The following MAD1L1 variants were observed in gnomAD, a reference collection of about 807,000 sequenced individuals.
MAD1L1 encodes the protein mitotic spindle assembly checkpoint protein MAD1.
MAD1L1 carries 95 observed loss-of-function variants against 96.9 expected under a neutral mutation model. The observed-to-expected ratio is 0.98, with a 90% CI of 0.83 to 1.16. MAD1L1 has a LOEUF of 1.16. Among genes scored for constraint, MAD1L1 ranks in the 50% most tolerant of loss-of-function variants. MAD1L1 has a pLI of 0.00. For synonymous variants in MAD1L1, 473 were observed against 396.6 expected (o/e 1.19, Z -2.29); for missense variants, 1,007 against 954.4 (o/e 1.06, Z -0.73).
rs369746286 is a variant in MAD1L1 at position 1,905,483 on chromosome 7, G to A, written c.1808-7093C>T. Among the ~76,000 whole-genome samples, 295 of 149,650 alleles carry A rather than the reference G, an allele frequency of 2.0e-3. 5 individuals are homozygous for A. Among genetic ancestry groups the A allele is most frequent in the African/African-American group, 6.2e-3 (253 of 40,630 alleles). On this transcript the variant is annotated intron_variant, in intron 17 of 18. Transcript: ENST00000265854. Reference sequence around the variant, plus strand: ...AGTGGCCTATGGAAGACGCTCTTGCGGAACTCATGATTGATGAAGCACTGT... The same window carrying A: ...AGTGGCCTATGGAAGACGCTCTTGCAGAACTCATGATTGATGAAGCACTGT...
intron 10 of MAD1L1, among the ~76,000 whole-genome samples, chr7:2,158,330 G>A (rs899057618): frequency 3.9e-5 from 6 of 152,196 alleles, no homozygotes; most frequent in Non-Finnish European, 5.9e-5. Context: ...CAGTTTCACC[G>A]AGTCTGAAAA....
At chr7:2,069,599 T>C (rs1445942953) in intron 11 of MAD1L1, among the ~76,000 whole-genome samples, 5 of 152,022 alleles carry the variant, frequency 3.3e-5, no homozygotes, top group Non-Finnish European at 5.9e-5. Flanking sequence ...ATGGGAAAAA[T>C]TGTCGGCGAC....
chr7:1,998,822 G>T (rs1781669755), intron 14 of MAD1L1, among the ~76,000 whole-genome samples: 1 of 142,046 alleles, frequency 7.0e-6, no homozygotes, highest in African/African-American at 2.6e-5. Flanking sequence ...AGACCCCACA[G>T]TCCACAGACC....
chr7:2,025,682 G>A (rs193111201), intron 12 of MAD1L1, among the ~76,000 whole-genome samples: 5 of 152,300 alleles, frequency 3.3e-5, no homozygotes, highest in East Asian at 1.9e-4. Flanking sequence ...TTTCAAACAC[G>A]TAAGTGTATG....
intron 10 of MAD1L1, among the ~76,000 whole-genome samples, chr7:2,167,805 G>C (rs925876215): frequency 6.6e-6 from 1 of 152,010 alleles, no homozygotes; most frequent in Non-Finnish European, 1.5e-5. Flanking sequence ...GGAGGCCAAG[G>C]CAGGAGGATC....
At chr7:2,073,924 C>T (rs1333947336) in intron 11 of MAD1L1, among the ~76,000 whole-genome samples, 6 of 152,332 alleles carry the variant, frequency 3.9e-5, no homozygotes, top group East Asian at 1.9e-4. Flanking sequence ...CTCGGGCCCG[C>T]GTCATCAGGG....
At chr7:1,851,670 A>C (rs892008188) in intron 18 of MAD1L1, among the ~76,000 whole-genome samples, 1 of 152,180 alleles carries the variant, frequency 6.6e-6, no homozygotes, top group Non-Finnish European at 1.5e-5. Flanking sequence ...AGACGGCAGG[A>C]GGTCCACACA....
chr7:2,054,164 C>G (rs1784298254), intron 12 of MAD1L1, among the ~76,000 whole-genome samples: 1 of 152,260 alleles, frequency 6.6e-6, no homozygotes, highest in Non-Finnish European at 1.5e-5. Context: ...CACAGCCTCA[C>G]CTGGAACTGT....
chr7:2,044,529 AGAT>A (rs1783834122), intron 12 of MAD1L1, among the ~76,000 whole-genome samples: 3 of 152,150 alleles, frequency 2.0e-5, no homozygotes, highest in Admixed American at 2.0e-4. Context: ...AGCATGTGTG[AGAT>A]GATAACACAA....
chr7:1,815,964 T>A lies in MAD1L1; in HGVS notation c.*106A>T. 5 of 1,301,964 alleles carry A rather than the reference T, an allele frequency of 3.8e-6. No homozygotes were observed. The highest frequency in any genetic ancestry group is 5.2e-6 in the Non-Finnish European group (5 of 964,224). 80.7% of individuals were successfully genotyped at this position (1,301,964 alleles called of 1,614,324 possible). The stretch of plus-strand genomic sequence containing the variant: ...GTCTGTCAGTCATGCTGCTGCCCTG[T>A]GGGGCTGGAGAGGCAGGACGTGCAC... On this transcript the variant is annotated 3_prime_UTR_variant, in exon 19 of 19. Coordinates refer to ENST00000265854, the MANE Select transcript of MAD1L1 (RefSeq NM_001013836.2).
chr7:1,970,336 T>A lies in MAD1L1; in HGVS notation c.1505+10117A>T, dbSNP rs557044658. The stretch of plus-strand genomic sequence containing the variant: ...CTATATAATTTTAATTTTTACTTTT[T>A]TTTTTTTTTTTTTTTTTGAGACAGT... On this transcript the variant is annotated intron_variant, in intron 15 of 18. Coordinates refer to ENST00000265854, the MANE Select transcript of MAD1L1 (RefSeq NM_001013836.2). 8.5e-3 allele frequency among the ~76,000 whole-genome samples: 1,241 copies of A among 145,406 alleles called. 11 individuals are homozygous for A. The highest frequency in any genetic ancestry group is 0.015 in the Non-Finnish European group (971 of 65,876).
chr7:1,875,207 G>A (rs189448954), intron 18 of MAD1L1, among the ~76,000 whole-genome samples: 1 of 152,234 alleles, frequency 6.6e-6, no homozygotes, highest in Admixed American at 6.5e-5. Context: ...GTTCCCAGGG[G>A]CCCTGCTGCT....
intron 13 of MAD1L1, among the ~76,000 whole-genome samples, chr7:2,007,564 C>T (rs1311579959): frequency 6.6e-6 from 1 of 152,202 alleles, no homozygotes; most frequent in Non-Finnish European, 1.5e-5. Context: ...GTCCCAGCTA[C>T]TCAGGATACC....
chr7:1,899,786 A>T (rs1787128588), intron 17 of MAD1L1, among the ~76,000 whole-genome samples: 1 of 152,182 alleles, frequency 6.6e-6, no homozygotes, highest in Non-Finnish European at 1.5e-5. Flanking sequence ...AGCGGCCCGA[A>T]GAGGCTCTGA....
rs550455174 is a variant in MAD1L1 at position 1,870,279 on chromosome 7, C to G, written c.1998+27921G>C. ...CGCTGAACCCAACATATGCCTGCCACGCTGAACCGACCGTAACACCTGCCA... is the reference window on the plus strand; with the variant it reads ...CGCTGAACCCAACATATGCCTGCCAGGCTGAACCGACCGTAACACCTGCCA... On this transcript the variant is annotated intron_variant, in intron 18 of 18. Coordinates refer to ENST00000265854, the MANE Select transcript of MAD1L1 (RefSeq NM_001013836.2). Among the ~76,000 whole-genome samples the G allele has an allele frequency of 3.0e-3, 453 of 149,904 alleles. 3 individuals carry two copies. Among genetic ancestry groups the G allele is most frequent in the South Asian group, 8.4e-3 (40 of 4,740 alleles).
intron 10 of MAD1L1, among the ~76,000 whole-genome samples, chr7:2,204,483 C>T (rs1792487065): frequency 6.6e-6 from 1 of 152,218 alleles, no homozygotes. Context: ...GCACGAGACT[C>T]CAGGGATCAC....
At chr7:1,881,635 C>T (rs1371716656) in intron 18 of MAD1L1, among the ~76,000 whole-genome samples, 1 of 152,212 alleles carries the variant, frequency 6.6e-6, no homozygotes, top group Admixed American at 6.5e-5. Flanking sequence ...TAAACACCAT[C>T]ATCGAGGAAA....
intron 12 of MAD1L1, among the ~76,000 whole-genome samples, chr7:2,057,903 A>G (rs1181196720): frequency 6.6e-6 from 1 of 152,214 alleles, no homozygotes; most frequent in Non-Finnish European, 1.5e-5. Flanking sequence ...CAAGGTGCCT[A>G]CTGTCATCAT....
At chr7:1,997,837 A>G (rs1781625586) in intron 14 of MAD1L1, among the ~76,000 whole-genome samples, 1 of 152,186 alleles carries the variant, frequency 6.6e-6, no homozygotes, top group Non-Finnish European at 1.5e-5. Flanking sequence ...AGGGCTTTGC[A>G]TGGCAAGAGG....
Sources: allele counts gnomAD v4.1 joint callset (sites outside exome capture counted in the v4.1 genomes callset), GRCh38; gene constraint gnomAD v4.1.1; transcripts MANE v1.5; gene names NCBI Gene and HGNC (gene_info 2026-07-23, HGNC 2026-07-21).